Variants in TENM3 observed in about 807,000 individuals in gnomAD.
TENM3 encodes the protein teneurin transmembrane protein 3, also known as teneurin-3.
TENM3 carries 63 observed loss-of-function variants against 255.1 expected under a neutral mutation model. That is an observed-to-expected ratio of 0.25 (90% CI 0.20 to 0.30). The LOEUF (loss-of-function observed/expected upper bound fraction) is 0.30, where lower values mean the gene tolerates loss of function less well. Ranked by LOEUF, TENM3 falls within the 10% of genes least tolerant of loss-of-function variation. The pLI, the probability that TENM3 is intolerant of heterozygous loss-of-function variation, is 1.00. For synonymous variants in TENM3, 1,306 were observed against 1,322.3 expected, an observed-to-expected ratio of 0.99 and a Z score of 0.27; for missense variants, 2,929 against 3,461.1, an observed-to-expected ratio of 0.85 and a Z score of 3.86.
At chr4:181,502,969 C>T in the TENM3 span, among the ~76,000 whole-genome samples, 7 of 152,306 alleles carry the variant, frequency 4.6e-5, no homozygotes, top group African/African-American at 1.7e-4. Flanking sequence ...AGACTGCAGA[C>T]CACTCGCTGG....
the TENM3 span, among the ~76,000 whole-genome samples, chr4:181,457,407 T>C: frequency 6.6e-6 from 1 of 151,784 alleles, no homozygotes; most frequent in African/African-American, 2.4e-5. Context: ...TCAAGTCAAC[T>C]TCATTATTCT....
the TENM3 span, among the ~76,000 whole-genome samples, chr4:181,553,758 T>G: frequency 6.6e-6 from 1 of 152,060 alleles, no homozygotes; most frequent in African/African-American, 2.4e-5. Flanking sequence ...GGGTCTTTAT[T>G]CCCATGGAGT....
At chr4:182,240,742 A>G (rs768838571), upstream of TENM3, among the ~76,000 whole-genome samples, 2 of 151,986 alleles carry the variant, frequency 1.3e-5, no homozygotes, top group African/African-American at 2.4e-5. Flanking sequence ...ACAGCCTGGG[A>G]GGTCTTCTGT....
At chr4:182,302,056 C>G (rs954405252) in intron 1 of TENM3, among the ~76,000 whole-genome samples, 6 of 152,128 alleles carry the variant, frequency 3.9e-5, no homozygotes, top group African/African-American at 1.4e-4. Flanking sequence ...ATCAACCCTG[C>G]TAGCCAATTA....
chr4:182,475,634 AT>A (rs1561487160), intron 3 of TENM3, among the ~76,000 whole-genome samples: 1 of 152,254 alleles, frequency 6.6e-6, no homozygotes, highest in Admixed American at 6.5e-5. Flanking sequence ...CAGAACATCT[AT>A]CTGCATACAT....
chr4:182,785,902 C>T (rs1765613789), intron 24 of TENM3, among the ~76,000 whole-genome samples: 1 of 152,048 alleles, frequency 6.6e-6, no homozygotes, highest in Non-Finnish European at 1.5e-5. Context: ...GGAGAAGGTC[C>T]AGGCATGGTA....
At chr4:181,780,864 T>A in the TENM3 span, among the ~76,000 whole-genome samples, 25 of 152,326 alleles carry the variant, frequency 1.6e-4, no homozygotes, top group South Asian at 2.5e-3. Flanking sequence ...CCCAGCACCA[T>A]TTATTAAATA....
At chr4:182,180,036 G>T (rs1752747726) in intron 1 of TENM3, among the ~76,000 whole-genome samples, 1 of 151,812 alleles carries the variant, frequency 6.6e-6, no homozygotes, top group African/African-American at 2.4e-5. Flanking sequence ...ACTTACTTAA[G>T]TATTTGTGGG....
chr4:181,542,901 C>T, the TENM3 span, among the ~76,000 whole-genome samples: 1 of 152,174 alleles, frequency 6.6e-6, no homozygotes, highest in Non-Finnish European at 1.5e-5. Context: ...ATCATTGAAG[C>T]CCATCAAGGG....
the TENM3 span, among the ~76,000 whole-genome samples, chr4:181,785,140 C>G: frequency 6.6e-6 from 1 of 152,016 alleles, no homozygotes; most frequent in East Asian, 1.9e-4. Flanking sequence ...AATGAAGGCA[C>G]ATGTGTGAAG....
chr4:181,592,148 G>A, the TENM3 span, among the ~76,000 whole-genome samples: 1 of 151,952 alleles, frequency 6.6e-6, no homozygotes, highest in African/African-American at 2.4e-5. Context: ...CTTGACTGTG[G>A]TCATGGTTGC....
chr4:182,446,516 T>C (rs1365542074), intron 3 of TENM3, among the ~76,000 whole-genome samples: 1 of 152,204 alleles, frequency 6.6e-6, no homozygotes, highest in East Asian at 1.9e-4. Flanking sequence ...TTAGTGTGCT[T>C]ATCTTTCTGC....
chr4:182,041,028 C>CT, the TENM3 span, among the ~76,000 whole-genome samples: 2 of 152,264 alleles, frequency 1.3e-5, no homozygotes, highest in East Asian at 3.9e-4. Flanking sequence ...AAATAGGAAA[C>CT]TCCTGTATTT....
chr4:182,263,829 A>G (rs545412572), intron 1 of TENM3, among the ~76,000 whole-genome samples: 4 of 152,162 alleles, frequency 2.6e-5, no homozygotes, highest in Non-Finnish European at 5.9e-5. Context: ...GACGGGGCTC[A>G]CCCATCTGGG....
chr4:182,524,351 GCTTT>G lies in TENM3; in HGVS notation c.512-76572_512-76569del, dbSNP rs1321149778. Among the ~76,000 whole-genome samples, 154 of 119,584 alleles carry G rather than the reference GCTTT, an allele frequency of 1.3e-3. 2 individuals carry two copies. The highest frequency in any genetic ancestry group is 4.5e-3 in the African/African-American group (144 of 31,740). The allele number at this position is 119,584 out of a possible 152,430, so 78.5% of individuals were successfully genotyped here. ...GGTTAATATACCTCCACACTGATGA[GCTTT>G]TTTTTTTTTTTTTTTTTTTTTTTTG... is the stretch of plus-strand genomic sequence containing the variant. On this transcript the variant is annotated intron_variant, in intron 3 of 27. Coordinates refer to ENST00000511685, the MANE Select transcript of TENM3 (RefSeq NM_001080477.4).
At chr4:181,714,899 C>A in the TENM3 span, among the ~76,000 whole-genome samples, 23 of 152,228 alleles carry the variant, frequency 1.5e-4, no homozygotes, top group East Asian at 4.4e-3. Context: ...GTTTTAAAAT[C>A]TACAAAGAGA....
In TENM3 at chr4:182,309,028, A is replaced by C. The variant is rs1762294156; in HGVS notation, c.-75-14918A>C. On this transcript the variant is annotated intron_variant, in intron 1 of 27. Transcript: ENST00000511685. ...TGAGTCCAGAACCGACCTAGCCCCT[A>C]CTGTCTCCACAGCAAGCTCAGAGAC... Among the ~76,000 whole-genome samples the C allele has an allele frequency of 2.6e-5, 4 of 152,130 alleles. No individual in the cohort carries two copies. In the South Asian group the frequency reaches 8.3e-4, roughly 32 times the overall value.
the TENM3 span, among the ~76,000 whole-genome samples, chr4:181,699,976 C>T: frequency 6.6e-6 from 1 of 151,964 alleles, no homozygotes; most frequent in Admixed American, 6.6e-5. Flanking sequence ...TTTTTTGTTT[C>T]AGTCGTCCTG....
chr4:182,393,848 G>A (rs559190874), intron 3 of TENM3, among the ~76,000 whole-genome samples: 102 of 152,160 alleles, frequency 6.7e-4, no homozygotes, highest in Non-Finnish European at 1.1e-3. Flanking sequence ...AACAGTTTCC[G>A]TCCATTTCTC....
Sources: allele counts gnomAD v4.1 joint callset (sites outside exome capture counted in the v4.1 genomes callset), GRCh38; gene constraint gnomAD v4.1.1; transcripts MANE v1.5; gene names NCBI Gene and HGNC (gene_info 2026-07-23, HGNC 2026-07-21).